CFAP299: variants seen among roughly 807,000 people sequenced by gnomAD.
CFAP299 encodes the protein cilia and flagella associated protein 299, also known as cilia- and flagella-associated protein 299.
CFAP299 carries 21 observed loss-of-function variants against 27.0 expected under a neutral mutation model. That is an observed-to-expected ratio of 0.78 (90% CI 0.55 to 1.12). The LOEUF (loss-of-function observed/expected upper bound fraction) is 1.12. Among genes scored for constraint, CFAP299 ranks in the 50% most tolerant of loss-of-function variants. The pLI is 0.00. For missense variants in CFAP299, 310 were observed against 276.6 expected (o/e 1.12, Z -0.86); for synonymous variants, 104 against 98.1 (o/e 1.06, Z -0.36).
chr4:80,893,216 T>C (rs1734433783), intron 4 of CFAP299, among the ~76,000 whole-genome samples: 5 of 151,120 alleles, frequency 3.3e-5, no homozygotes, highest in Admixed American at 3.3e-4. Context: ...TTATGAAACA[T>C]TGATGAAAGA....
chr4:80,961,807 C>G (rs943773396), intron 5 of CFAP299, among the ~76,000 whole-genome samples: 1 of 151,758 alleles, frequency 6.6e-6, no homozygotes, highest in Non-Finnish European at 1.5e-5. Flanking sequence ...CAAATAACAA[C>G]CAATAAAAAT....
chr4:80,365,846 T>C (rs1322905934), intron 2 of CFAP299, among the ~76,000 whole-genome samples: 1 of 152,222 alleles, frequency 6.6e-6, no homozygotes, highest in Non-Finnish European at 1.5e-5. Flanking sequence ...ACATCACATG[T>C]CCATTTTGTG....
chr4:80,707,417 G>T (rs959082100), intron 3 of CFAP299, among the ~76,000 whole-genome samples: 4 of 151,904 alleles, frequency 2.6e-5, no homozygotes, highest in Middle Eastern at 3.4e-3. Context: ...TATCATCTAT[G>T]GCTGTTTATG....
intron 3 of CFAP299, among the ~76,000 whole-genome samples, chr4:80,748,804 A>G (rs145375455): frequency 6.6e-6 from 1 of 152,294 alleles, no homozygotes; most frequent in Non-Finnish European, 1.5e-5. Context: ...GCCCTGACAT[A>G]AAGATTATTT....
intron 4 of CFAP299, among the ~76,000 whole-genome samples, chr4:80,926,617 T>A (rs1736319017): frequency 6.6e-6 from 1 of 152,042 alleles, no homozygotes; most frequent in African/African-American, 2.4e-5. Context: ...CTTGGATTCC[T>A]GGGGAAGATG....
intron 3 of CFAP299, among the ~76,000 whole-genome samples, chr4:80,747,359 G>A (rs1430601489): frequency 6.6e-6 from 1 of 151,920 alleles, no homozygotes; most frequent in African/African-American, 2.4e-5. Flanking sequence ...GCACTATTAT[G>A]GACACACTAT....
chr4:80,639,136 G>C (rs893217396), intron 3 of CFAP299, among the ~76,000 whole-genome samples: 3 of 152,126 alleles, frequency 2.0e-5, no homozygotes, highest in African/African-American at 7.2e-5. Context: ...TCAGGAGTTA[G>C]GGCTGCAACA....
intron 3 of CFAP299, among the ~76,000 whole-genome samples, chr4:80,714,828 C>T (rs1185122814): frequency 6.6e-6 from 1 of 152,044 alleles, no homozygotes; most frequent in African/African-American, 2.4e-5. Flanking sequence ...CTCATTACTT[C>T]CAGACCATAC....
At chr4:80,871,525 T>C (rs1246282648) in intron 4 of CFAP299, 1 of 985,312 alleles carries the variant, frequency 1.0e-6, no homozygotes, top group Admixed American at 6.2e-5. Flanking sequence ...TCATTTTAAT[T>C]CCTGAAGCCT....
chr4:80,340,543 C>A (rs966612322), intron 1 of CFAP299, among the ~76,000 whole-genome samples: 1 of 152,198 alleles, frequency 6.6e-6, no homozygotes, highest in African/African-American at 2.4e-5. Flanking sequence ...TTGCACCTCA[C>A]AAGCTAAGAC....
intron 3 of CFAP299, among the ~76,000 whole-genome samples, chr4:80,602,196 C>T (rs1254057352): frequency 6.6e-6 from 1 of 151,588 alleles, no homozygotes; most frequent in Non-Finnish European, 1.5e-5. Context: ...ACCTGGACAT[C>T]CACCCCTGAA....
chr4:80,328,098 G>A, the CFAP299 span, among the ~76,000 whole-genome samples: 4 of 152,102 alleles, frequency 2.6e-5, no homozygotes, highest in African/African-American at 9.7e-5. Context: ...TCTTAGTCAA[G>A]TGGTGGCCGA....
intron 4 of CFAP299, among the ~76,000 whole-genome samples, chr4:80,878,765 T>C (rs1459518272): frequency 1.3e-5 from 2 of 152,126 alleles, no homozygotes; most frequent in Non-Finnish European, 2.9e-5. Flanking sequence ...GAGTTAAAGC[T>C]GTAAGTGGAG....
chr4:80,705,026 AC>A (rs1321397618), intron 3 of CFAP299, among the ~76,000 whole-genome samples: 1 of 151,796 alleles, frequency 6.6e-6, no homozygotes, highest in African/African-American at 2.4e-5. Context: ...ACTGCTGATA[AC>A]AATAAAGTCA....
intron 2 of CFAP299, among the ~76,000 whole-genome samples, chr4:80,522,825 C>T (rs7685287): frequency 0.13 from 19,224 of 151,944 alleles, 1,672 homozygotes; most frequent in African/African-American, 0.24. Context: ...GGGTTTATTT[C>T]TCAGCTCTCT....
chr4:80,496,973 T>C (rs904515622), intron 2 of CFAP299, among the ~76,000 whole-genome samples: 2 of 152,070 alleles, frequency 1.3e-5, no homozygotes, highest in African/African-American at 4.8e-5. Flanking sequence ...AAACCTACTA[T>C]CACAAAGACA....
chr4:80,951,364 A>G (rs574966404), intron 5 of CFAP299, among the ~76,000 whole-genome samples: 34 of 152,296 alleles, frequency 2.2e-4, no homozygotes, highest in African/African-American at 7.7e-4. Flanking sequence ...CTGTGCATGG[A>G]CTTAGCAGGA....
chr4:80,719,560 T>C (rs1722697836), intron 3 of CFAP299, among the ~76,000 whole-genome samples: 1 of 152,230 alleles, frequency 6.6e-6, no homozygotes, highest in Non-Finnish European at 1.5e-5. Flanking sequence ...GTTTTAATTT[T>C]ATTAAATTAA....
intron 1 of CFAP299, among the ~76,000 whole-genome samples, chr4:80,346,617 C>A (rs979558944): frequency 4.0e-5 from 6 of 149,098 alleles, no homozygotes; most frequent in African/African-American, 1.5e-4. Flanking sequence ...GGCCCCTGTT[C>A]TGTTCCCTTG....
Sources: gnomAD v4.1 joint callset for allele counts (sites outside exome capture counted in the v4.1 genomes callset) on GRCh38, gnomAD v4.1.1 for gene constraint, MANE v1.5 for transcripts, NCBI Gene and HGNC (gene_info 2026-07-23, HGNC 2026-07-21) for gene names.